The following PCNT variants were observed in gnomAD, a reference collection of about 807,000 sequenced individuals.
PCNT encodes pericentrin.
Under a neutral mutation model 380.4 loss-of-function variants are expected in PCNT, and 319 were observed. The ratio of observed to expected loss-of-function variants is 0.84; its 90% CI spans 0.77 to 0.92. PCNT has a LOEUF of 0.92. Among genes scored for constraint, PCNT ranks in the 40% least tolerant of loss-of-function variants. The pLI is 0.00. For missense variants in PCNT, 4,400 were observed against 4,255.3 expected (o/e 1.03, Z -0.95); for synonymous variants, 1,845 against 1,735.2 (o/e 1.06, Z -1.57).
At chr21:46,346,274 CATCCG>C in intron 4 of PCNT, 66 bp downstream of exon 4, 1 of 775,790 alleles carries the variant, frequency 1.3e-6, no homozygotes, top group Non-Finnish European at 2.3e-6. Context: ...GCACAGTGGG[CATCCG>C]GGTGGGGGTG....
At position 46,382,675 on chromosome 21, in the gene PCNT, G is replaced by A. The variant is rs181541765; in HGVS notation, c.3312+835G>A. Among the ~76,000 whole-genome samples, 482 of 73,734 alleles carry A rather than the reference G, an allele frequency of 6.5e-3. 40 individuals carry two copies. Among genetic ancestry groups the A allele is most frequent in the Non-Finnish European group, 9.3e-3 (358 of 38,414 alleles). The allele number at this position is 73,734 out of a possible 152,430, so 48.4% of individuals were successfully genotyped here. On this transcript the variant is annotated intron_variant, in intron 16 of 46. Transcript: ENST00000359568. ...TGGCGGAAGCGCATTCACGGTGTGC[G>A]TTCAGTGGCGGAAGCGCATTCACAG...
At position 46,366,741 on chromosome 21, in the gene PCNT, C is replaced by T; in HGVS notation, c.2767C>T (p.His923Tyr). 2 of 1,613,592 alleles carry T rather than the reference C, an allele frequency of 1.2e-6. No homozygotes were observed. The highest frequency in any genetic ancestry group is 8.5e-7 in the Non-Finnish European group (1 of 1,180,046). Residue 923 changes from histidine to tyrosine, a missense_variant, in exon 15 of 47, where the codon CAC becomes TAC. His to Tyr is a moderately conservative substitution (Grantham distance 83). Coordinates refer to ENST00000359568, the MANE Select transcript of PCNT (RefSeq NM_006031.6). ...LSVTAELEAR[H>Y]QAALGELTAS... ...AGTGACGGCGGAGCTCGAGGCCAGA[C>T]ACCAGGCCGCGTTGGGCGAGCTGAC...
At chr21:46,326,296 C>T in intron 1 of PCNT, 81 bp from the exon 2 acceptor site, 2 of 1,368,026 alleles carry the variant, frequency 1.5e-6, no homozygotes, top group South Asian at 2.4e-5. Context: ...TCATGGTCCC[C>T]ACCAGTCTGT....
At chr21:46,410,371 T>C (rs570303164) in intron 27 of PCNT, among the ~76,000 whole-genome samples, 2 of 152,250 alleles carry the variant, frequency 1.3e-5, no homozygotes, top group Non-Finnish European at 2.9e-5. Context: ...GGAGTTGTTA[T>C]GAAACCCTCA....
intron 1 of PCNT, chr21:46,325,122 A>G: frequency 1.0e-6 from 1 of 985,502 alleles, no homozygotes; most frequent in Non-Finnish European, 1.2e-6. Flanking sequence ...CGTGGGAATA[A>G]AGCGCGCAGA....
intron 3 of PCNT, among the ~76,000 whole-genome samples, chr21:46,344,290 GTTCTC>G (rs2083997377): frequency 6.6e-6 from 1 of 152,108 alleles, no homozygotes; most frequent in Admixed American, 6.5e-5. Context: ...TGGCCAGGAT[GTTCTC>G]AATCTCCTGA....
chr21:46,349,689 C>A lies in PCNT; in HGVS notation c.1213C>A (p.Leu405Ile). 2 of 1,614,032 alleles carry A rather than the reference C, an allele frequency of 1.2e-6. No individual in the cohort carries two copies. Among genetic ancestry groups the A allele is most frequent in the Non-Finnish European group, 1.7e-6 (2 of 1,179,920 alleles). The change falls in exon 8 of 47, where the codon CTT becomes ATT. Residue 405 changes from leucine (L) to isoleucine (I), a missense_variant. Physicochemically the swap from Leu to Ile is conservative, Grantham distance 5. Transcript: ENST00000359568. Reference sequence around the variant, plus strand: ...CCATTGCTTTACCTTTCTAGGGGCCCTTAGGAACCTGGAGAGTCATCATCA... The same window carrying A: ...CCATTGCTTTACCTTTCTAGGGGCCATTAGGAACCTGGAGAGTCATCATCA... ...FQDKNQAERALRNLESHHQAA... is the reference protein window; with the variant it reads ...FQDKNQAERAIRNLESHHQAA...
chr21:46,432,071 G>A lies in PCNT; in HGVS notation c.8607G>A (p.Ala2869=), dbSNP rs745843340. 16 of 1,613,954 alleles carry A rather than the reference G, an allele frequency of 9.9e-6. No individual in the cohort carries two copies. The highest frequency in any genetic ancestry group is 2.7e-5 in the African/African-American group (2 of 74,934). ...TGGAGAGAGAGAGGGAGAAACCAGC[G>A]TGGTTGCAGGCAGAATTAGAGCAGT... is the stretch of plus-strand genomic sequence containing the variant. The part of the protein sequence containing the change: ...CSLEREREKP[A]WLQAELEQSH... The change falls in exon 38 of 47, where the codon GCG becomes GCA. Residue 2869 remains alanine, a synonymous_variant. Coordinates refer to ENST00000359568, the MANE Select transcript of PCNT (RefSeq NM_006031.6).
intron 25 of PCNT, 101 bp downstream of exon 25, chr21:46,399,897 C>A: frequency 1.0e-6 from 1 of 962,256 alleles, no homozygotes; most frequent in Non-Finnish European, 1.7e-6. Flanking sequence ...TCCTTCTTCA[C>A]TGGCAGCCAC....
Position 46,399,692 on chromosome 21 carries a change from G to C in PCNT, c.4687G>C (p.Glu1563Gln), listed in dbSNP as rs746297554. Residue 1563 changes from glutamate (E) to glutamine (Q), a missense_variant, in exon 25 of 47, where the codon GAA (glutamate) becomes CAA (glutamine). Physicochemically the swap from Glu to Gln is conservative, Grantham distance 29. Coordinates refer to ENST00000359568, the MANE Select transcript of PCNT (RefSeq NM_006031.6). ...ADRQVLMQEE[E>Q]IKRLEEMNIN... ...TAGACAAGTGTTAATGCAGGAAGAA[G>C]AAATTAAACGTCTGGAGGAGATGAA... The C allele has an allele frequency of 1.9e-6, 3 of 1,613,810 alleles. No homozygotes were observed. The highest frequency in any genetic ancestry group is 2.2e-5 in the East Asian group (1 of 44,902).
chr21:46,401,535 C>CTT lies in PCNT; in HGVS notation c.4792-7_4792-6dup, dbSNP rs575429540. The CTT allele has an allele frequency of 2.1e-6, 3 of 1,447,732 alleles. No homozygotes were observed. Among genetic ancestry groups the CTT allele is most frequent in the Non-Finnish European group, 2.9e-6 (3 of 1,047,642 alleles). The allele number at this position is 1,447,732 out of a possible 1,614,324, so 89.7% of individuals were successfully genotyped here. A position where few individuals can be genotyped will look rare whatever the true frequency, so the allele number is the denominator to read the frequency against. On this transcript the variant is annotated splice_polypyrimidine_tract_variant and intron_variant, in intron 25 of 46. Coordinates refer to ENST00000359568, the MANE Select transcript of PCNT (RefSeq NM_006031.6). ...CCAAATATTTGCCTAAAATAGAGTT[C>CTT]TTTTTTTTTTAATAGGATAAAGAGG...
intron 15 of PCNT, among the ~76,000 whole-genome samples, chr21:46,369,085 G>T (rs2085029227): frequency 6.6e-6 from 1 of 152,228 alleles, no homozygotes; most frequent in African/African-American, 2.4e-5. Context: ...TGTGGTCTGA[G>T]CATGTGATCT....
intron 38 of PCNT, among the ~76,000 whole-genome samples, chr21:46,434,582 A>C (rs1313892844): frequency 1.3e-5 from 2 of 152,140 alleles, no homozygotes; most frequent in Non-Finnish European, 2.9e-5. Context: ...CGTGCAGTAG[A>C]CCTTCTGTCC....
In PCNT at chr21:46,440,155, CG is replaced by C; in HGVS notation, c.9348del (p.Leu3117PhefsTer24). On this transcript the variant is annotated frameshift_variant, in exon 42 of 47. Transcript: ENST00000359568. LOFTEE classifies it high-confidence loss of function. The stretch of plus-strand genomic sequence containing the variant: ...TTCCCTGAGGCGCCCAGACCCCGGC[CG>C]GCTTCCACCAGCTGCCAGCGAGGAA... ...QSSLRRPDPG[R>X]LPPAASEEAH... 6.2e-7 allele frequency: 1 copy of C among 1,614,126 alleles called. No homozygotes were observed. Among genetic ancestry groups the C allele is most frequent in the Non-Finnish European group, 8.5e-7 (1 of 1,180,016 alleles).
rs2087018338 is a variant in PCNT at position 46,416,148 on chromosome 21, T to C, written c.6230T>C (p.Leu2077Pro). 2.5e-6 allele frequency: 4 copies of C among 1,614,088 alleles called. No individual in the cohort carries two copies. Among genetic ancestry groups the C allele is most frequent in the Admixed American group, 1.7e-5 (1 of 60,018 alleles). Residue 2077 changes from leucine (L) to proline (P), a missense_variant, in exon 30 of 47, where the codon CTG (leucine) becomes CCG (proline). Coordinates refer to ENST00000359568, the MANE Select transcript of PCNT (RefSeq NM_006031.6). ...VAQVKQLQEK[L>P]NRLLYSMTFQ... is the part of the protein sequence containing the mutation. ...CAGGTGAAACAGCTTCAGGAAAAAC[T>C]GAACCGTTTGCTGTATTCCATGACC...
intron 3 of PCNT, among the ~76,000 whole-genome samples, chr21:46,340,034 G>A (rs542690867): frequency 6.6e-6 from 1 of 152,298 alleles, no homozygotes; most frequent in East Asian, 1.9e-4. Flanking sequence ...CCAAGACTGG[G>A]TAATTAAGGA....
rs147023145 is a variant in PCNT, at chr21:46,324,855, C to T, written c.54+573C>T. On this transcript the variant is annotated intron_variant, in intron 1 of 46. Transcript: ENST00000359568. ...CCCCAGGGTGCGCCTTCGCCTCGTC[C>T]GTCGGAGATGCTTTCCCCGCGCGTT... is the stretch of plus-strand genomic sequence containing the variant. 1.5e-3 allele frequency: 1,523 copies of T among 985,022 alleles called. 19 individuals carry two copies. The African/African-American group carries it at 0.025, about 16-fold the overall frequency. The allele number at this position is 985,022 out of a possible 1,614,324, so 61.0% of individuals were successfully genotyped here.
chr21:46,370,540 G>C (rs1227901726), intron 15 of PCNT, among the ~76,000 whole-genome samples: 3 of 152,054 alleles, frequency 2.0e-5, no homozygotes, highest in Admixed American at 2.0e-4. Flanking sequence ...TAGCTGGAGG[G>C]GTCATCCCAG....
chr21:46,362,868 A>G (rs1256593455), intron 13 of PCNT, among the ~76,000 whole-genome samples: 1 of 147,200 alleles, frequency 6.8e-6, no homozygotes, highest in Non-Finnish European at 1.5e-5. Context: ...CCCTGTCTCA[A>G]AAAAAAAAAA....
Sources: allele counts gnomAD v4.1 joint callset (sites outside exome capture counted in the v4.1 genomes callset), GRCh38; gene constraint gnomAD v4.1.1; transcripts MANE v1.5; gene names NCBI Gene and HGNC (gene_info 2026-07-23, HGNC 2026-07-21).